CCDC178: variants seen among roughly 807,000 people sequenced by gnomAD.
CCDC178 encodes coiled-coil domain containing 178.
In CCDC178, 126 loss-of-function variants were observed where a neutral mutation model predicts 117.4. That is an observed-to-expected ratio of 1.07 (90% CI 0.93 to 1.24). The LOEUF is 1.24. Among genes scored for constraint, CCDC178 ranks in the 50% most tolerant of loss-of-function variants. The pLI, the probability that CCDC178 is intolerant of heterozygous loss-of-function variation, is 0.00. For synonymous variants in CCDC178, 283 were observed against 313.4 expected, an observed-to-expected ratio of 0.90 and a Z score of 1.02; for missense variants, 1,030 against 986.9, an observed-to-expected ratio of 1.04 and a Z score of -0.59.
rs528726320 is a variant in CCDC178 at position 33,163,183 on chromosome 18, A to C, written c.2238+48713T>G. ...TTTGATTTGCGTTTCTCCAATGATC[A>C]GTGATATTGAGCGTTTTTTTCATAT... On this transcript the variant is annotated intron_variant, in intron 20 of 22. Transcript: ENST00000383096. 2.6e-5 allele frequency among the ~76,000 whole-genome samples: 4 copies of C among 152,286 alleles called. No homozygotes were observed. The South Asian group carries it at 6.2e-4, about 24-fold the overall frequency.
intron 21 of CCDC178, among the ~76,000 whole-genome samples, chr18:33,043,526 C>T (rs1034139804): frequency 9.2e-5 from 14 of 151,934 alleles, no homozygotes; most frequent in Non-Finnish European, 1.6e-4. Context: ...TGGTGTGTGG[C>T]GTATTTTAAG....
chr18:32,958,871 G>A (rs934458521), intron 22 of CCDC178, among the ~76,000 whole-genome samples: 2 of 152,052 alleles, frequency 1.3e-5, no homozygotes, highest in Non-Finnish European at 2.9e-5. Flanking sequence ...TAACTAAGAG[G>A]GATTGTTCAC....
intron 21 of CCDC178, among the ~76,000 whole-genome samples, chr18:33,068,446 C>T (rs1244308320): frequency 6.6e-6 from 1 of 152,080 alleles, no homozygotes; most frequent in Non-Finnish European, 1.5e-5. Context: ...CTCAATACAA[C>T]AACACATCAA....
chr18:33,033,778 C>T (rs1158965778), intron 21 of CCDC178, among the ~76,000 whole-genome samples: 1 of 151,870 alleles, frequency 6.6e-6, no homozygotes. Context: ...ATTACAATGT[C>T]ATTTTTCAAT....
chr18:33,288,436 C>T (rs1362320251), intron 12 of CCDC178, among the ~76,000 whole-genome samples: 1 of 120,094 alleles, frequency 8.3e-6, no homozygotes, highest in East Asian at 2.8e-4. Context: ...CTCCTTCCCT[C>T]CCCTTCCTTC....
At chr18:33,234,378 T>G (rs923276493) in intron 15 of CCDC178, among the ~76,000 whole-genome samples, 5 of 152,070 alleles carry the variant, frequency 3.3e-5, no homozygotes, top group Non-Finnish European at 7.4e-5. Flanking sequence ...GTATTCTGCC[T>G]ATGAATGGAG....
chr18:33,230,226 G>C (rs190178529), intron 15 of CCDC178, among the ~76,000 whole-genome samples: 117 of 151,664 alleles, frequency 7.7e-4, no homozygotes, highest in Middle Eastern at 3.4e-3. Context: ...ACTGTAAGTG[G>C]AACCACATTA....
chr18:33,134,804 A>AAG (rs2058106252), intron 20 of CCDC178, among the ~76,000 whole-genome samples: 1 of 152,070 alleles, frequency 6.6e-6, no homozygotes, highest in East Asian at 1.9e-4. Context: ...TTTCACACAT[A>AAG]AGTTTCTCTG....
At chr18:33,416,560 G>A (rs537052404) in intron 2 of CCDC178, among the ~76,000 whole-genome samples, 7 of 152,138 alleles carry the variant, frequency 4.6e-5, no homozygotes, top group Admixed American at 4.6e-4. Context: ...ATAAACTGTA[G>A]GGATTCAAGA....
At chr18:33,132,736 C>T (rs1359535940) in intron 20 of CCDC178, among the ~76,000 whole-genome samples, 1 of 151,420 alleles carries the variant, frequency 6.6e-6, no homozygotes, top group Non-Finnish European at 1.5e-5. Flanking sequence ...AATAATATAC[C>T]ATTAACAGAG....
At chr18:33,064,650 G>A (rs1162828337) in intron 21 of CCDC178, among the ~76,000 whole-genome samples, 1 of 152,144 alleles carries the variant, frequency 6.6e-6, no homozygotes, top group African/African-American at 2.4e-5. Context: ...GTGAAAAACT[G>A]CATGCATGGT....
chr18:33,201,021 G>A (rs796344490), intron 20 of CCDC178, among the ~76,000 whole-genome samples: 78 of 152,238 alleles, frequency 5.1e-4, no homozygotes, highest in Middle Eastern at 3.4e-3. Flanking sequence ...AAGGAGTTGC[G>A]TCACTTCATT....
chr18:33,213,942 C>A (rs1464149659), intron 19 of CCDC178, among the ~76,000 whole-genome samples: 7 of 152,066 alleles, frequency 4.6e-5, no homozygotes, highest in Admixed American at 4.6e-4. Context: ...TGGGGCCTGG[C>A]AGTATGCCCA....
intron 21 of CCDC178, among the ~76,000 whole-genome samples, chr18:33,029,979 G>C (rs1429228557): frequency 6.6e-6 from 1 of 151,948 alleles, no homozygotes; most frequent in Non-Finnish European, 1.5e-5. Context: ...ATATATTGCT[G>C]TTAGATCTTA....
chr18:33,274,613 C>T (rs915095866), intron 12 of CCDC178, among the ~76,000 whole-genome samples: 1 of 151,822 alleles, frequency 6.6e-6, no homozygotes, highest in African/African-American at 2.4e-5. Flanking sequence ...CATAAAGGAC[C>T]CTTGAAAACC....
chr18:33,106,329 A>G (rs935362020), intron 20 of CCDC178, among the ~76,000 whole-genome samples: 1 of 151,754 alleles, frequency 6.6e-6, no homozygotes, highest in African/African-American at 2.4e-5. Flanking sequence ...GAAGAAAGAA[A>G]GAGCAAGTCT....
chr18:33,212,877 C>T (rs1174054758), intron 19 of CCDC178, among the ~76,000 whole-genome samples: 1 of 151,888 alleles, frequency 6.6e-6, no homozygotes, highest in East Asian at 1.9e-4. Flanking sequence ...CAATAACTTG[C>T]TTGCCAAAGT....
intron 21 of CCDC178, among the ~76,000 whole-genome samples, chr18:32,975,057 C>T (rs182241016): frequency 1.3e-4 from 20 of 152,224 alleles, no homozygotes; most frequent in Admixed American, 8.5e-4. Context: ...CTTTTGAAGC[C>T]GTTTTGAATG....
chr18:33,207,841 T>G lies in CCDC178; in HGVS notation c.2238+4055A>C, dbSNP rs149627461. On this transcript the variant is annotated intron_variant, in intron 20 of 22. Coordinates refer to ENST00000383096, the MANE Select transcript of CCDC178 (RefSeq NM_001105528.4). ...TTTACAAATAAGAGAAGCTTCTTCC[T>G]TGTTTAATGGATAATGCTCTAAGGA... is the stretch of plus-strand genomic sequence containing the variant. Among the ~76,000 whole-genome samples, 13 of 152,188 alleles carry G rather than the reference T, an allele frequency of 8.5e-5. No individual in the cohort carries two copies. The East Asian group carries it at 2.5e-3, about 29-fold the overall frequency.
Sources: gnomAD v4.1 joint callset for allele counts (sites outside exome capture counted in the v4.1 genomes callset) on GRCh38, gnomAD v4.1.1 for gene constraint, MANE v1.5 for transcripts, NCBI Gene and HGNC (gene_info 2026-07-23, HGNC 2026-07-21) for gene names.